Variants in SHROOM3 observed in about 807,000 individuals in gnomAD.
SHROOM3 encodes the protein protein Shroom3.
In SHROOM3, 47 loss-of-function variants were observed where a neutral mutation model predicts 138.6. The observed-to-expected ratio is 0.34, with a 90% CI of 0.27 to 0.43. The LOEUF is 0.43. Among genes scored for constraint, SHROOM3 ranks in the 20% least tolerant of loss-of-function variants. The probability of loss-of-function intolerance (pLI) is 1.00; values close to 1 mark genes in which losing one functional copy is unlikely to be tolerated. For synonymous variants in SHROOM3, 1,062 were observed against 1,063.3 expected (o/e 1.00, Z 0.02); for missense variants, 2,491 against 2,596.5 (o/e 0.96, Z 0.88).
In SHROOM3 at chr4:76,740,611, G is replaced by C; in HGVS notation, c.2438G>C (p.Arg813Thr). The change falls in exon 5 of 11, where the codon AGG (arginine) becomes ACG (threonine). Residue 813 changes from arginine (R) to threonine (T), a missense_variant. By Grantham distance (71) the Arg-to-Thr change is moderately conservative. Transcript: ENST00000296043. This position sits in a 1 kb window ranked among gnomAD's most constrained non-coding sequence, Gnocchi z 4.0. ...TTTGGCCATAACTATAGGCCCCACAGGACCGTCTCAACTTCCAGTACTTCT... is the reference window on the plus strand; with the variant it reads ...TTTGGCCATAACTATAGGCCCCACACGACCGTCTCAACTTCCAGTACTTCT... ...SGFGHNYRPH[R>T]TVSTSSTSGN... 6.2e-7 allele frequency: 1 copy of C among 1,614,192 alleles called. No homozygotes were observed.
chr4:76,472,414 A>C (rs1731393907), intron 1 of SHROOM3, among the ~76,000 whole-genome samples: 1 of 152,218 alleles, frequency 6.6e-6, no homozygotes, highest in Non-Finnish European at 1.5e-5. Flanking sequence ...GCCTTCAAGA[A>C]CCACAGTCTT....
chr4:76,643,205 C>T, intron 2 of SHROOM3, among the ~76,000 whole-genome samples: 1 of 94,686 alleles, frequency 1.1e-5, no homozygotes, highest in Non-Finnish European at 2.2e-5. Flanking sequence ...TTTTGAGATG[C>T]TGTCTCAAAA....
In SHROOM3 at chr4:76,685,931, C is replaced by G. The variant is rs796112454; in HGVS notation, c.324-24225C>G. Among the ~76,000 whole-genome samples, 104 of 152,234 alleles carry G rather than the reference C, an allele frequency of 6.8e-4. 2 individuals carry two copies. Among genetic ancestry groups the G allele is most frequent in the African/African-American group, 2.4e-3 (100 of 41,536 alleles). On this transcript the variant is annotated intron_variant, in intron 2 of 10. Coordinates refer to ENST00000296043, the MANE Select transcript of SHROOM3 (RefSeq NM_020859.4). Reference sequence around the variant, plus strand: ...AGGTTGCAGTGAGCTGAGATTGCACCACTGCACTCCAGCCTGGGTGACAGA... The same window carrying G: ...AGGTTGCAGTGAGCTGAGATTGCACGACTGCACTCCAGCCTGGGTGACAGA...
At chr4:76,510,849 T>G (rs953581886) in intron 1 of SHROOM3, among the ~76,000 whole-genome samples, 27 of 152,144 alleles carry the variant, frequency 1.8e-4, no homozygotes, top group Non-Finnish European at 3.2e-4. Flanking sequence ...TGAAGGGAGC[T>G]GGACTAGAGA....
intron 2 of SHROOM3, among the ~76,000 whole-genome samples, chr4:76,639,052 G>C (rs1416091520): frequency 6.6e-6 from 1 of 151,498 alleles, no homozygotes; most frequent in Non-Finnish European, 1.5e-5. Context: ...TTTGGGGAGA[G>C]AGAGAATCGC....
chr4:76,715,275 C>T (rs1720340966), intron 3 of SHROOM3, among the ~76,000 whole-genome samples: 1 of 152,176 alleles, frequency 6.6e-6, no homozygotes, highest in Non-Finnish European at 1.5e-5. Flanking sequence ...GCCAGAAGCT[C>T]ATTTCCCAGG....
chr4:76,579,764 A>T lies in SHROOM3; in HGVS notation c.323+24001A>T, dbSNP rs372881943. Among the ~76,000 whole-genome samples, 2 of 152,228 alleles carry T rather than the reference A, an allele frequency of 1.3e-5. 1 individual carries two copies. The highest frequency in any genetic ancestry group is 3.8e-4 in the East Asian group (2 of 5,202). On this transcript the variant is annotated intron_variant, in intron 2 of 10. Transcript: ENST00000296043. The stretch of plus-strand genomic sequence containing the variant: ...CATTTGAGTTTGCCAGCCTTGTAAC[A>T]CAAACACTGGTTGGCCAGTTATCTT...
intron 1 of SHROOM3, among the ~76,000 whole-genome samples, chr4:76,446,926 G>A (rs1035218618): frequency 1.3e-5 from 2 of 152,232 alleles, no homozygotes; most frequent in Admixed American, 6.5e-5. Flanking sequence ...CTGTGTCCAC[G>A]CTCAATCTGT....
intron 2 of SHROOM3, among the ~76,000 whole-genome samples, chr4:76,644,799 C>G (rs1242805038): frequency 1.3e-5 from 2 of 152,172 alleles, no homozygotes; most frequent in Non-Finnish European, 2.9e-5. Flanking sequence ...AGCAACATAT[C>G]TGATGTGACC....
At chr4:76,543,571 T>C (rs777160799) in intron 1 of SHROOM3, among the ~76,000 whole-genome samples, 4 of 152,186 alleles carry the variant, frequency 2.6e-5, no homozygotes, top group African/African-American at 4.8e-5. Context: ...TTCATGCTCA[T>C]TCTACATGTC....
chr4:76,460,528 A>AT (rs1260400511), intron 1 of SHROOM3, among the ~76,000 whole-genome samples: 1 of 152,078 alleles, frequency 6.6e-6, no homozygotes, highest in Admixed American at 6.5e-5. Flanking sequence ...ACAACAGAAT[A>AT]TTTTTTTCAC....
intron 1 of SHROOM3, among the ~76,000 whole-genome samples, chr4:76,519,031 C>T (rs372352891): frequency 2.1e-4 from 32 of 152,222 alleles, no homozygotes; most frequent in Admixed American, 7.2e-4. Flanking sequence ...CCTCAAGATG[C>T]GGCATAGCCT....
intron 1 of SHROOM3, among the ~76,000 whole-genome samples, chr4:76,468,778 C>T (rs1268799732): frequency 1.3e-5 from 2 of 152,044 alleles, no homozygotes; most frequent in Non-Finnish European, 2.9e-5. Context: ...ACCTGTAATT[C>T]CAGCACTTTG....
At chr4:76,500,192 C>T (rs28687959) in intron 1 of SHROOM3, among the ~76,000 whole-genome samples, 72,190 of 151,762 alleles carry the variant, frequency 0.48, 18,199 homozygotes, top group Non-Finnish European at 0.56. Context: ...CCCTGCTGCT[C>T]GGGGACCCAG....
At position 76,693,165 on chromosome 4, in the gene SHROOM3, G is replaced by A. The variant is rs185050562; in HGVS notation, c.324-16991G>A. ...GGGTTGTTGCAAAGATTGAGTTAAT[G>A]ACTGAAGGTACTTAGCTTAGTAAGA... On this transcript the variant is annotated intron_variant, in intron 2 of 10. Coordinates refer to ENST00000296043, the MANE Select transcript of SHROOM3 (RefSeq NM_020859.4). Among the ~76,000 whole-genome samples the A allele has an allele frequency of 6.5e-3, 982 of 152,236 alleles. 7 individuals are homozygous for A. The highest frequency in any genetic ancestry group is 0.011 in the South Asian group (52 of 4,814).
chr4:76,730,947 T>G lies in SHROOM3; in HGVS notation c.587+12T>G. 6.2e-7 allele frequency: 1 copy of G among 1,614,030 alleles called. No homozygotes were observed. ...AGCTACCATTCCAGGTAAGTGGCTATAGCTGAGACTGAAGGGTTTCTTTCT... is the reference window on the plus strand; with the variant it reads ...AGCTACCATTCCAGGTAAGTGGCTAGAGCTGAGACTGAAGGGTTTCTTTCT... On this transcript the variant is annotated intron_variant, in intron 4 of 10. Coordinates refer to ENST00000296043, the MANE Select transcript of SHROOM3 (RefSeq NM_020859.4).
chr4:76,561,160 T>G (rs1733588267), intron 2 of SHROOM3, among the ~76,000 whole-genome samples: 1 of 152,082 alleles, frequency 6.6e-6, no homozygotes, highest in African/African-American at 2.4e-5. Context: ...CTCCCAAAGC[T>G]TTCCATCACC....
intron 9 of SHROOM3, among the ~76,000 whole-genome samples, chr4:76,766,793 A>C (rs574884667): frequency 8.5e-5 from 13 of 152,358 alleles, no homozygotes; most frequent in Middle Eastern, 3.4e-3. Flanking sequence ...CTTTTAAAAA[A>C]TTCAAATGCC....
intron 3 of SHROOM3, among the ~76,000 whole-genome samples, chr4:76,721,896 G>A (rs1444767728): frequency 6.6e-6 from 1 of 152,210 alleles, no homozygotes; most frequent in African/African-American, 2.4e-5. Context: ...GGGAAAATAT[G>A]AAGACTTTAT....
Sources: allele counts gnomAD v4.1 joint callset (sites outside exome capture counted in the v4.1 genomes callset), GRCh38; gene constraint gnomAD v4.1.1; non-coding constraint Gnocchi (gnomAD v3.1); transcripts MANE v1.5; gene names NCBI Gene and HGNC (gene_info 2026-07-23, HGNC 2026-07-21).